The following UBE3D variants were observed in gnomAD, a reference collection of about 807,000 sequenced individuals.
UBE3D encodes E3 ubiquitin-protein ligase E3D.
UBE3D carries 48 observed loss-of-function variants against 49.6 expected under a neutral mutation model. The ratio of observed to expected loss-of-function variants is 0.97; its 90% CI spans 0.77 to 1.23. UBE3D has a LOEUF of 1.23. UBE3D is among the 50% of genes most tolerant of loss of function. The probability of loss-of-function intolerance (pLI) is 0.00; values close to 1 mark genes in which losing one functional copy is unlikely to be tolerated. For synonymous variants in UBE3D, 189 were observed against 174.2 expected, an observed-to-expected ratio of 1.08 and a Z score of -0.67; for missense variants, 452 against 468.4, an observed-to-expected ratio of 0.96 and a Z score of 0.32.
At chr6:83,012,291 A>G (rs1780392305) in intron 8 of UBE3D, among the ~76,000 whole-genome samples, 1 of 152,198 alleles carries the variant, frequency 6.6e-6, no homozygotes, top group South Asian at 2.1e-4. Flanking sequence ...TCCATGATGG[A>G]AGAGGTCCAA....
intron 9 of UBE3D, among the ~76,000 whole-genome samples, chr6:82,931,360 G>T (rs886980046): frequency 6.6e-6 from 1 of 152,216 alleles, no homozygotes; most frequent in East Asian, 1.9e-4. Flanking sequence ...GCACCACCTG[G>T]TGGAGCTGTG....
At chr6:82,910,011 A>G (rs1162083489) in intron 9 of UBE3D, among the ~76,000 whole-genome samples, 1 of 152,202 alleles carries the variant, frequency 6.6e-6, no homozygotes, top group Non-Finnish European at 1.5e-5. Flanking sequence ...CTTTATGTTC[A>G]TCATCGATTA....
At chr6:83,059,570 G>A (rs1002505124) in intron 1 of UBE3D, among the ~76,000 whole-genome samples, 19 of 152,258 alleles carry the variant, frequency 1.2e-4, no homozygotes, top group Admixed American at 1.3e-4. Context: ...TCCAAGTGCC[G>A]CAAGAGATAC....
intron 9 of UBE3D, among the ~76,000 whole-genome samples, chr6:82,955,342 T>C (rs1215094840): frequency 6.6e-6 from 1 of 152,228 alleles, no homozygotes; most frequent in Non-Finnish European, 1.5e-5. Flanking sequence ...TGGATGACTG[T>C]TCTATTTCCC....
chr6:83,063,597 A>G (rs1252679703), intron 1 of UBE3D, among the ~76,000 whole-genome samples: 2 of 152,122 alleles, frequency 1.3e-5, no homozygotes, highest in Non-Finnish European at 2.9e-5. Context: ...TACTTTTAAA[A>G]AGAACATATA....
intron 8 of UBE3D, among the ~76,000 whole-genome samples, chr6:82,969,086 A>G (rs1410204529): frequency 1.3e-5 from 2 of 152,116 alleles, no homozygotes; most frequent in Non-Finnish European, 2.9e-5. Flanking sequence ...GGAGATGTTA[A>G]AATTAATCCC....
chr6:82,891,216 T>G (rs570330055), downstream of UBE3D, among the ~76,000 whole-genome samples: 5 of 152,346 alleles, frequency 3.3e-5, no homozygotes, highest in Admixed American at 2.0e-4. Context: ...ATTAATTTTG[T>G]CAATCACAAC....
chr6:82,895,031 G>A (rs370716020), intron 9 of UBE3D, among the ~76,000 whole-genome samples: 7 of 152,178 alleles, frequency 4.6e-5, no homozygotes, highest in Admixed American at 1.3e-4. Flanking sequence ...TTAAGAGGCC[G>A]GCACAGTGGC....
intron 9 of UBE3D, among the ~76,000 whole-genome samples, chr6:82,942,587 C>T (rs1486234312): frequency 2.0e-5 from 3 of 152,242 alleles, no homozygotes; most frequent in African/African-American, 7.2e-5. Flanking sequence ...GCCTATTCAG[C>T]TCCAGCCATG....
At chr6:82,917,632 G>C (rs1430964925) in intron 9 of UBE3D, among the ~76,000 whole-genome samples, 1 of 152,214 alleles carries the variant, frequency 6.6e-6, no homozygotes, top group African/African-American at 2.4e-5. Flanking sequence ...CACTGAGCCT[G>C]TACCTCTGTA....
chr6:83,047,553 T>G (rs571698731), intron 3 of UBE3D, among the ~76,000 whole-genome samples: 2 of 151,856 alleles, frequency 1.3e-5, no homozygotes, highest in African/African-American at 4.8e-5. Context: ...TGAGCTGTCA[T>G]TTGTGCAAAC....
At chr6:82,986,434 G>A (rs1189038919) in intron 8 of UBE3D, among the ~76,000 whole-genome samples, 1 of 121,922 alleles carries the variant, frequency 8.2e-6, no homozygotes, top group African/African-American at 3.3e-5. Context: ...TCATGCCATT[G>A]CACTCTAGCC....
intron 8 of UBE3D, among the ~76,000 whole-genome samples, chr6:82,990,257 A>C (rs576859379): frequency 5.9e-5 from 9 of 152,226 alleles, no homozygotes; most frequent in African/African-American, 2.2e-4. Context: ...CTGAAAGCTG[A>C]GTCATGAGAG....
intron 5 of UBE3D, among the ~76,000 whole-genome samples, chr6:83,030,949 C>A (rs1781822065): frequency 6.6e-6 from 1 of 152,120 alleles, no homozygotes; most frequent in African/African-American, 2.4e-5. Context: ...TGTCCCTGCC[C>A]TAGATATCTG....
chr6:82,983,741 GT>G (rs1778272337), intron 8 of UBE3D, among the ~76,000 whole-genome samples: 2 of 152,112 alleles, frequency 1.3e-5, no homozygotes, highest in South Asian at 4.2e-4. Flanking sequence ...AACAGTCTCA[GT>G]TTATTACTAC....
chr6:82,983,155 G>GTTTTTTTTTTTT (rs5877831), intron 8 of UBE3D, among the ~76,000 whole-genome samples: 1 of 134,772 alleles, frequency 7.4e-6, no homozygotes, highest in Non-Finnish European at 1.6e-5. Context: ...CTGGCTGAAA[G>GTTTTTTTTTTTT]TTTTTTTTTT....
intron 9 of UBE3D, among the ~76,000 whole-genome samples, chr6:82,955,184 C>T (rs1385443464): frequency 6.6e-6 from 1 of 152,164 alleles, no homozygotes; most frequent in East Asian, 1.9e-4. Context: ...GGGGGCAAGG[C>T]CTTCTGGGTC....
intron 8 of UBE3D, among the ~76,000 whole-genome samples, chr6:82,986,762 T>C (rs896598123): frequency 5.4e-5 from 8 of 148,434 alleles, no homozygotes; most frequent in South Asian, 4.2e-4. Flanking sequence ...ACATGTATTA[T>C]ACATATATAT....
intron 8 of UBE3D, among the ~76,000 whole-genome samples, chr6:82,987,430 C>T (rs796230432): frequency 2.4e-4 from 37 of 152,264 alleles, no homozygotes; most frequent in African/African-American, 8.7e-4. Context: ...ACTTATTTTC[C>T]AATTCCTGTG....
Sources: gnomAD v4.1 joint callset for allele counts (sites outside exome capture counted in the v4.1 genomes callset) on GRCh38, gnomAD v4.1.1 for gene constraint, MANE v1.5 for transcripts, NCBI Gene and HGNC (gene_info 2026-07-23, HGNC 2026-07-21) for gene names.